The following SRD5A2 variants were observed in gnomAD, a reference collection of about 807,000 sequenced individuals.
SRD5A2 encodes steroid 5 alpha-reductase 2, also known as 3-oxo-5-alpha-steroid 4-dehydrogenase 2.
In SRD5A2, 30 loss-of-function variants were observed where a neutral mutation model predicts 27.4. The observed-to-expected ratio is 1.10, with a 90% CI of 0.82 to 1.49. The LOEUF (loss-of-function observed/expected upper bound fraction) is 1.49, where lower values mean the gene tolerates loss of function less well. Among genes scored for constraint, SRD5A2 ranks in the 40% most tolerant of loss-of-function variants. The probability of loss-of-function intolerance (pLI) is 0.00; values close to 1 mark genes in which losing one functional copy is unlikely to be tolerated. For synonymous variants in SRD5A2, 141 were observed against 133.6 expected (o/e 1.06, Z -0.38); for missense variants, 348 against 323.4 (o/e 1.08, Z -0.58).
Position 31,523,029 on chromosome 2 carries a change from G to A in SRD5A2, c.*3167C>T, listed in dbSNP as rs890099067. The A allele has an allele frequency of 5.5e-5, 12 of 219,004 alleles. No homozygotes were observed. The highest frequency in any genetic ancestry group is 1.8e-5 in the Non-Finnish European group (2 of 109,178). The allele number at this position is 219,004 out of a possible 1,614,324, so 13.6% of individuals were successfully genotyped here. On this transcript the variant is annotated 3_prime_UTR_variant, in exon 5 of 5. Coordinates refer to ENST00000622030, the MANE Select transcript of SRD5A2 (RefSeq NM_000348.4). ...TGAAAGGGTCTAAGCCGCCTAAATAGCTGTTTAATTGCGTATTTCTCATTA... is the reference window on the plus strand; with the variant it reads ...TGAAAGGGTCTAAGCCGCCTAAATAACTGTTTAATTGCGTATTTCTCATTA...
the SRD5A2 span, among the ~76,000 whole-genome samples, chr2:31,589,524 C>G: frequency 6.6e-6 from 1 of 152,200 alleles, no homozygotes; most frequent in Non-Finnish European, 1.5e-5. Context: ...GAGAACACCT[C>G]CATTGGGGAA....
chr2:31,650,890 G>A, the SRD5A2 span, among the ~76,000 whole-genome samples: 3 of 152,158 alleles, frequency 2.0e-5, no homozygotes, highest in African/African-American at 7.2e-5. Context: ...AATGTCATGG[G>A]AGCTCTGTAT....
chr2:31,661,604 G>A, the SRD5A2 span, among the ~76,000 whole-genome samples: 53 of 152,258 alleles, frequency 3.5e-4, no homozygotes, highest in Middle Eastern at 3.4e-3. Context: ...CAAATATTAA[G>A]ATGTCTTTTA....
At chr2:31,659,530 C>T in the SRD5A2 span, among the ~76,000 whole-genome samples, 1 of 152,116 alleles carries the variant, frequency 6.6e-6, no homozygotes, top group African/African-American at 2.4e-5. Context: ...CATTTCTATA[C>T]ACCAACAACA....
At chr2:31,636,011 T>C in the SRD5A2 span, among the ~76,000 whole-genome samples, 1 of 152,088 alleles carries the variant, frequency 6.6e-6, no homozygotes, top group Admixed American at 6.6e-5. Flanking sequence ...TGCTCAGGAC[T>C]GCTTTGCCTG....
intron 1 of SRD5A2, among the ~76,000 whole-genome samples, chr2:31,552,192 C>G (rs890154577): frequency 6.7e-6 from 1 of 149,486 alleles, no homozygotes. Flanking sequence ...TGTGAGACTA[C>G]TTTTATGAGA....
rs538895832 is a variant in SRD5A2 at position 31,522,560 on chromosome 2, C to T, written c.*3636G>A. On this transcript the variant is annotated 3_prime_UTR_variant, in exon 5 of 5. Transcript: ENST00000622030. ...CTAAGGTTGATGGGGAGAAATGAGGCACAATGCAAATAACACAGAACTCTT... is the reference window on the plus strand; with the variant it reads ...CTAAGGTTGATGGGGAGAAATGAGGTACAATGCAAATAACACAGAACTCTT... 1 of 201,640 alleles carries T rather than the reference C, an allele frequency of 5.0e-6. No individual in the cohort carries two copies. The highest frequency in any genetic ancestry group is 1.0e-5 in the Non-Finnish European group (1 of 98,044). 12.5% of individuals were successfully genotyped at this position (201,640 alleles called of 1,614,324 possible). A position where few individuals can be genotyped will look rare whatever the true frequency, so the allele number is the denominator to read the frequency against.
the SRD5A2 span, among the ~76,000 whole-genome samples, chr2:31,653,725 T>C: frequency 6.6e-6 from 1 of 152,130 alleles, no homozygotes; most frequent in Admixed American, 6.5e-5. Flanking sequence ...AACAGTGCGA[T>C]CTCAGCTCAC....
chr2:31,533,070 G>C (rs1665949563), intron 2 of SRD5A2, among the ~76,000 whole-genome samples: 1 of 152,114 alleles, frequency 6.6e-6, no homozygotes, highest in Non-Finnish European at 1.5e-5. Context: ...AAGAAACAAT[G>C]TTTCTTTCAG....
At chr2:31,541,903 A>G (rs76202446) in intron 1 of SRD5A2, among the ~76,000 whole-genome samples, 205 of 152,320 alleles carry the variant, frequency 1.3e-3, no homozygotes, top group Middle Eastern at 6.8e-3. Flanking sequence ...AGCCCTAGCC[A>G]GAGGGGAATC....
chr2:31,639,204 A>C, the SRD5A2 span, among the ~76,000 whole-genome samples: 1 of 152,084 alleles, frequency 6.6e-6, no homozygotes, highest in Admixed American at 6.6e-5. Flanking sequence ...CAAATACACA[A>C]AAAAATTCTA....
chr2:31,626,444 A>T, the SRD5A2 span, among the ~76,000 whole-genome samples: 1 of 152,160 alleles, frequency 6.6e-6, no homozygotes, highest in Non-Finnish European at 1.5e-5. Flanking sequence ...CCGGTTTTCA[A>T]AGGAATGCTT....
chr2:31,565,437 A>G (rs1666710989), intron 1 of SRD5A2, among the ~76,000 whole-genome samples: 1 of 151,890 alleles, frequency 6.6e-6, no homozygotes, highest in Non-Finnish European at 1.5e-5. Flanking sequence ...ATTGAACAGT[A>G]TGCCACCTTT....
At chr2:31,638,741 CTCTT>C in the SRD5A2 span, among the ~76,000 whole-genome samples, 1 of 151,132 alleles carries the variant, frequency 6.6e-6, no homozygotes, top group Non-Finnish European at 1.5e-5. Context: ...GCTATTTCTT[CTCTT>C]TTTTTTTCAA....
At chr2:31,528,798 A>G (rs1665836167) in intron 4 of SRD5A2, among the ~76,000 whole-genome samples, 2 of 141,296 alleles carry the variant, frequency 1.4e-5, no homozygotes. Context: ...AAATAAATAA[A>G]TATCTGTGGA....
chr2:31,580,863 C>T lies in SRD5A2; in HGVS notation c.38G>A (p.Gly13Asp), dbSNP rs368219567. Residue 13 changes from glycine to aspartate, a missense_variant, in exon 1 of 5, where the codon GGC becomes GAC. By Grantham distance (94) the Gly-to-Asp change is moderately conservative. Transcript: ENST00000622030. ...CCCAAGGGCGACCAAAGTGGCGCTG[C>T]CTGCCAGCACTGGGCTCTGCTGGCA... ...VQCQQSPVLA[G>D]SATLVALGAL... 6.2e-7 allele frequency: 1 copy of T among 1,610,920 alleles called. No individual in the cohort carries two copies. The highest frequency in any genetic ancestry group is 8.5e-7 in the Non-Finnish European group (1 of 1,179,148).
chr2:31,581,034 C>G, upstream of SRD5A2: 1 of 972,904 alleles, frequency 1.0e-6, no homozygotes, highest in Non-Finnish European at 1.5e-6. Flanking sequence ...TCCTGCCTCC[C>G]ACCTCGCCGC....
At chr2:31,651,400 G>A in the SRD5A2 span, 3 of 230,542 alleles carry the variant, frequency 1.3e-5, no homozygotes, top group Admixed American at 4.1e-5. Context: ...AGAGCAATCT[G>A]GATGCTGACA....
the SRD5A2 span, among the ~76,000 whole-genome samples, chr2:31,602,486 A>C: frequency 1.3e-5 from 2 of 152,092 alleles, no homozygotes; most frequent in East Asian, 3.8e-4. Flanking sequence ...TACTGCCCAA[A>C]GTAATTTATA....
Sources: allele counts gnomAD v4.1 joint callset (sites outside exome capture counted in the v4.1 genomes callset), GRCh38; gene constraint gnomAD v4.1.1; transcripts MANE v1.5; gene names NCBI Gene and HGNC (gene_info 2026-07-23, HGNC 2026-07-21).